The following CEP164 variants were observed in gnomAD, a reference collection of about 807,000 sequenced individuals.
The protein encoded by CEP164 is centrosomal protein of 164 kDa.
A neutral mutation model predicts 182.7 loss-of-function variants in CEP164; 162 were observed. The observed-to-expected ratio is 0.89, with a 90% confidence interval of 0.78 to 1.01. CEP164 has a LOEUF of 1.01. CEP164 is among the 50% of genes least tolerant of loss of function. The pLI is 0.00. For synonymous variants in CEP164, 661 were observed against 690.0 expected (o/e 0.96, Z 0.66); for missense variants, 1,735 against 1,790.4 (o/e 0.97, Z 0.56).
chr11:117,348,073 G>A (rs575860667), intron 4 of CEP164, among the ~76,000 whole-genome samples: 2 of 152,038 alleles, frequency 1.3e-5, no homozygotes, highest in Admixed American at 6.6e-5. Context: ...GGGTTCAAGC[G>A]ATCCTCCCAC....
Position 117,409,360 on chromosome 11 carries a change from CCCTT to C in CEP164, c.3749-252_3749-249del. The C allele has an allele frequency of 1.7e-6, 1 of 574,106 alleles. No individual in the cohort carries two copies. Among genetic ancestry groups the C allele is most frequent in the South Asian group, 2.4e-5 (1 of 41,798 alleles). 35.6% of individuals were successfully genotyped at this position (574,106 alleles called of 1,614,324 possible). On this transcript the variant is annotated intron_variant, in intron 29 of 32. Transcript: ENST00000278935. The surrounding 1 kb of genome is among the most constrained non-coding windows in gnomAD (Gnocchi z 4.4). ...CTGTATGTGACAGAAGGGCCCTCTC[CCCTT>C]CCTTCTCTCTGGGGTCCTGGGCCCT...
intron 30 of CEP164, chr11:117,410,258 G>C (rs2047200872): frequency 5.4e-6 from 3 of 554,348 alleles, no homozygotes; most frequent in Non-Finnish European, 9.8e-6. Flanking sequence ...GAGCTCAGTA[G>C]AACCTAAAAG....
At chr11:117,345,022 C>T (rs1265470037) in intron 4 of CEP164, among the ~76,000 whole-genome samples, 1 of 152,060 alleles carries the variant, frequency 6.6e-6, no homozygotes, top group Non-Finnish European at 1.5e-5. Context: ...TGCAGTGAGG[C>T]CATGCAGACC....
At chr11:117,408,310 C>T (rs573700058) in intron 28 of CEP164, among the ~76,000 whole-genome samples, 1 of 152,192 alleles carries the variant, frequency 6.6e-6, no homozygotes, top group Non-Finnish European at 1.5e-5. Flanking sequence ...CTTTACCCTG[C>T]CCTGGTCCCT....
At position 117,391,050 on chromosome 11, in the gene CEP164, A is replaced by G. The variant is rs771918921; in HGVS notation, c.2118A>G (p.Gln706=). 3 of 1,614,190 alleles carry G rather than the reference A, an allele frequency of 1.9e-6. No individual in the cohort carries two copies. Among genetic ancestry groups the G allele is most frequent in the East Asian group, 2.2e-5 (1 of 44,860 alleles). Residue 706 remains glutamine, a synonymous_variant, in exon 17 of 33, where the codon CAA becomes CAG. Transcript: ENST00000278935. ...AACTGAGAGAAGAGTTGGAGTCTCA[A>G]CAGAAGGCTGAGAGGGCCAGCTTGG... The part of the protein sequence containing the change: ...LQKLREELES[Q]QKAERASLEQ...
chr11:117,352,563 G>A (rs1354648249), intron 5 of CEP164, among the ~76,000 whole-genome samples: 1 of 152,208 alleles, frequency 6.6e-6, no homozygotes, highest in African/African-American at 2.4e-5. Context: ...GTGGGTAACT[G>A]AAGTTTAACT....
chr11:117,408,917 TC>T lies in CEP164; in HGVS notation c.3642del (p.Thr1215ProfsTer5). 3 of 1,613,744 alleles carry T rather than the reference TC, an allele frequency of 1.9e-6. No individual in the cohort carries two copies. Among genetic ancestry groups the T allele is most frequent in the Non-Finnish European group, 1.7e-6 (2 of 1,179,914 alleles). On this transcript the variant is annotated frameshift_variant, in exon 29 of 33. Coordinates refer to ENST00000278935, the MANE Select transcript of CEP164 (RefSeq NM_014956.5). LOFTEE classifies it high-confidence loss of function. Reference sequence around the variant, plus strand: ...CTCAGATGAGGGCACTCTGGGAGGATCCCCCACCAAGAAGGCAGTAACCTTC... The same window carrying T: ...CTCAGATGAGGGCACTCTGGGAGGATCCCCACCAAGAAGGCAGTAACCTTC... ...EASDEGTLGG[S>X]PTKKAVTFDL...
intron 5 of CEP164, chr11:117,355,416 C>G: frequency 7.8e-7 from 1 of 1,289,832 alleles, no homozygotes; most frequent in South Asian, 1.2e-5. Context: ...AACCAGGCCT[C>G]TGTCCACTCA....
chr11:117,409,795 C>CCA lies in CEP164; in HGVS notation c.3927_3928insAC (p.Pro1310ThrfsTer104). 6.2e-7 allele frequency: 1 copy of CCA among 1,610,518 alleles called. No individual in the cohort carries two copies. On this transcript the variant is annotated frameshift_variant, in exon 30 of 33. Transcript: ENST00000278935. LOFTEE classifies it high-confidence loss of function. This position sits in a 1 kb window ranked among gnomAD's most constrained non-coding sequence, Gnocchi z 4.4. Reference sequence around the variant, plus strand: ...CTCCCTCCCCGGGACCCTAAGAGCACCCCCACCCCCACCTACTATGGCTCC... The same window carrying CCA: ...CTCCCTCCCCGGGACCCTAAGAGCACCACCCCACCCCCACCTACTATGGCTCC...
At chr11:117,375,878 C>A in intron 11 of CEP164, 87 bp downstream of exon 11, 1 of 1,154,968 alleles carries the variant, frequency 8.7e-7, no homozygotes, top group Non-Finnish European at 1.3e-6. Context: ...CCCTGCCCAT[C>A]ACAGGGTGCA....
intron 6 of CEP164, 151 bp downstream of exon 6, chr11:117,362,144 G>A: frequency 1.2e-6 from 1 of 811,370 alleles, no homozygotes; most frequent in South Asian, 1.9e-5. Flanking sequence ...ATTCGCACCT[G>A]TATGAATGTG....
At chr11:117,325,011 T>G (rs1300564079), upstream of CEP164, among the ~76,000 whole-genome samples, 1 of 152,210 alleles carries the variant, frequency 6.6e-6, no homozygotes, top group Admixed American at 6.5e-5. Context: ...AGGTTTGTGG[T>G]AGATGAGCTG....
intron 18 of CEP164, 85 bp from the exon 19 acceptor site, chr11:117,392,411 C>G: frequency 6.4e-7 from 1 of 1,566,322 alleles, no homozygotes; most frequent in Non-Finnish European, 8.7e-7. Flanking sequence ...GGATGGATGC[C>G]AGGTCCTCAG....
intron 23 of CEP164, 21 bp downstream of exon 23, chr11:117,395,212 C>T: frequency 1.9e-6 from 3 of 1,611,452 alleles, no homozygotes; most frequent in Non-Finnish European, 2.5e-6. Context: ...CTGTTTTGTC[C>T]TCCCTCCTGT....
intron 5 of CEP164, among the ~76,000 whole-genome samples, chr11:117,359,859 C>T (rs1009397191): frequency 6.6e-6 from 1 of 152,190 alleles, no homozygotes; most frequent in African/African-American, 2.4e-5. Flanking sequence ...TCTCTGCACA[C>T]CTAGTCAGGT....
chr11:117,381,626 C>T, intron 12 of CEP164, 75 bp from the exon 13 acceptor site: 2 of 1,497,042 alleles, frequency 1.3e-6, no homozygotes, highest in Non-Finnish European at 1.8e-6. Context: ...TAGGTCCACA[C>T]ACTGTACTCC....
chr11:117,409,899 C>T lies in CEP164; in HGVS notation c.4030C>T (p.Leu1344Phe). The T allele has an allele frequency of 6.2e-7, 1 of 1,613,758 alleles. No individual in the cohort carries two copies. Among genetic ancestry groups the T allele is most frequent in the African/African-American group, 1.3e-5 (1 of 74,884 alleles). ...WAWDSGQGPR[L>F]PSSVAQTVDD... ...CTGGGATTCAGGGCAGGGGCCCAGG[C>T]TCCCCTCCTCTGTGGCTCAAACGGT... The change falls in exon 30 of 33, where the codon CTC (leucine) becomes TTC (phenylalanine). Residue 1344 changes from leucine to phenylalanine, a missense_variant. Physicochemically the swap from Leu to Phe is conservative, Grantham distance 22. Coordinates refer to ENST00000278935, the MANE Select transcript of CEP164 (RefSeq NM_014956.5). The surrounding 1 kb of genome is among the most constrained non-coding windows in gnomAD (Gnocchi z 4.4).
intron 27 of CEP164, among the ~76,000 whole-genome samples, chr11:117,398,421 G>A (rs923069296): frequency 3.9e-5 from 6 of 152,282 alleles, no homozygotes; most frequent in Admixed American, 3.3e-4. Flanking sequence ...TCTGGAGGAC[G>A]GTGGCCCTCT....
In CEP164 at chr11:117,371,425, A is replaced by C. The variant is rs1248156454; in HGVS notation, c.1111A>C (p.Lys371Gln). The change falls in exon 9 of 33, where the codon AAG (lysine) becomes CAG (glutamine). Residue 371 changes from lysine (K) to glutamine (Q), a missense_variant. Coordinates refer to ENST00000278935, the MANE Select transcript of CEP164 (RefSeq NM_014956.5). ...REEAAKEPKK[K>Q]ASALEEGSSD... is the part of the protein sequence containing the mutation. ...AGAGGCAGCCAAGGAGCCAAAGAAG[A>C]AGGCTTCTGCTCTGGAAGAGGGCAG... 1 of 1,613,882 alleles carries C rather than the reference A, an allele frequency of 6.2e-7. No individual in the cohort carries two copies. The highest frequency in any genetic ancestry group is 1.7e-5 in the Admixed American group (1 of 59,966).
Sources: allele counts gnomAD v4.1 joint callset (sites outside exome capture counted in the v4.1 genomes callset), GRCh38; gene constraint gnomAD v4.1.1; non-coding constraint Gnocchi (gnomAD v3.1); transcripts MANE v1.5; gene names NCBI Gene and HGNC (gene_info 2026-07-23, HGNC 2026-07-21).